The following SLC5A6 variants were observed in gnomAD, a reference collection of about 807,000 sequenced individuals.
The protein encoded by SLC5A6 is sodium-dependent multivitamin transporter.
In SLC5A6, 31 loss-of-function variants were observed where a neutral mutation model predicts 67.9. The observed-to-expected ratio is 0.46, with a 90% CI of 0.34 to 0.62. SLC5A6 has a LOEUF of 0.62. Among genes scored for constraint, SLC5A6 ranks in the 20% least tolerant of loss-of-function variants. SLC5A6 has a pLI of 0.01. For synonymous variants in SLC5A6, 343 were observed against 331.0 expected (o/e 1.04, Z -0.39); for missense variants, 673 against 812.8 (o/e 0.83, Z 2.09).
upstream of SLC5A6, chr2:27,212,400 C>A: frequency 6.4e-7 from 1 of 1,551,502 alleles, no homozygotes; most frequent in East Asian, 2.4e-5. Context: ...AGTCTTACGA[C>A]CCTGGTGCCC....
intron 12 of SLC5A6, among the ~76,000 whole-genome samples, 156 bp from the exon 13 acceptor site, chr2:27,202,230 G>A (rs951498852): frequency 1.3e-5 from 2 of 152,134 alleles, no homozygotes; most frequent in Non-Finnish European, 2.9e-5. Flanking sequence ...GTGGCCGAGC[G>A]GTGGCTCATG....
In SLC5A6 at chr2:27,201,668, G is replaced by T. The variant is rs1300016658; in HGVS notation, c.1542C>A (p.Ser514=). The T allele has an allele frequency of 1.9e-6, 3 of 1,613,466 alleles. No homozygotes were observed. In the Admixed American group the frequency reaches 5.0e-5, roughly 27 times the overall value. The stretch of plus-strand genomic sequence containing the variant: ...GAAGATAGCAAGCCCTGCCTTACTT[G>T]GAGAAGGTAGTCAAGGGCATCAGTG... ...VTTLMPLTTF[S]KPTGLQRFYS... is the part of the protein sequence containing the mutation. The change falls in exon 14 of 17, where the codon TCC becomes TCA. Residue 514 remains serine, a splice_region_variant and synonymous_variant. Coordinates refer to ENST00000310574, the MANE Select transcript of SLC5A6 (RefSeq NM_021095.4).
At chr2:27,201,510 C>A in intron 14 of SLC5A6, 57 bp from the exon 15 acceptor site, 1 of 1,390,568 alleles carries the variant, frequency 7.2e-7, no homozygotes, top group Non-Finnish European at 1.0e-6. Context: ...ATTCCTTGGG[C>A]ACCAATCTCT....
rs1408430853 is a variant in SLC5A6, at chr2:27,207,221, C to T, written c.393+37G>A. The T allele has an allele frequency of 5.0e-6, 8 of 1,602,962 alleles. No homozygotes were observed. The highest frequency in any genetic ancestry group is 1.7e-4 in the Middle Eastern group (1 of 5,982). On this transcript the variant is annotated intron_variant, in intron 3 of 16. Transcript: ENST00000310574. This position sits in a 1 kb window ranked among gnomAD's most constrained non-coding sequence, Gnocchi z 5.5. ...CCTGTCCCTCCTCTCCACCCCAACCCGTGTCCCACGCACTTCTCCCTTCTG... is the reference window on the plus strand; with the variant it reads ...CCTGTCCCTCCTCTCCACCCCAACCTGTGTCCCACGCACTTCTCCCTTCTG...
intron 6 of SLC5A6, among the ~76,000 whole-genome samples, 180 bp from the exon 7 acceptor site, chr2:27,205,684 G>A (rs1280233495): frequency 1.3e-5 from 2 of 152,112 alleles, no homozygotes; most frequent in Non-Finnish European, 2.9e-5. Context: ...ATGACGAAGG[G>A]GCTTTACTGA....
At chr2:27,200,709 A>G in intron 16 of SLC5A6, 130 bp from the exon 17 acceptor site, 1 of 888,004 alleles carries the variant, frequency 1.1e-6, no homozygotes, top group Non-Finnish European at 1.7e-6. Flanking sequence ...GAGCAGGGGG[A>G]AAAGAGGGAG....
chr2:27,204,770 C>T (rs540199384), intron 8 of SLC5A6, 21 bp downstream of exon 8: 2 of 1,614,000 alleles, frequency 1.2e-6, no homozygotes, highest in Admixed American at 1.7e-5. Flanking sequence ...TGCTCCACTC[C>T]CTTCCTGTCC....
In SLC5A6 at chr2:27,201,796, T is replaced by C. The variant is rs553930469; in HGVS notation, c.1414A>G (p.Ile472Val). 1.1e-5 allele frequency: 17 copies of C among 1,613,974 alleles called. No individual in the cohort carries two copies. The highest frequency in any genetic ancestry group is 2.7e-5 in the African/African-American group (2 of 74,884). Residue 472 changes from isoleucine (I) to valine (V), a missense_variant, in exon 14 of 17, where the codon ATC (isoleucine) becomes GTC (valine). Ile to Val is a conservative substitution (Grantham distance 29). Coordinates refer to ENST00000310574, the MANE Select transcript of SLC5A6 (RefSeq NM_021095.4). The part of the protein sequence containing the change: ...AGLVMAFWIG[I>V]GSIVTSMGSS... ...CCCATGCTGGTCACGATGCTCCCGA[T>C]GCCAATCCAGAAGGCCATGACGAGC...
chr2:27,206,152 C>T (rs1674047172), intron 5 of SLC5A6, 59 bp from the exon 6 acceptor site: 1 of 1,443,280 alleles, frequency 6.9e-7, no homozygotes, highest in African/African-American at 1.4e-5. Context: ...GGGAGAAGCC[C>T]TGGTAGGGCA....
chr2:27,201,862 T>G lies in SLC5A6; in HGVS notation c.1363-15A>C. 6.2e-7 allele frequency: 1 copy of G among 1,613,300 alleles called. No homozygotes were observed. The highest frequency in any genetic ancestry group is 1.7e-5 in the Admixed American group (1 of 60,004). ...ACAACAGCACCCTGCCGAGACACAG[T>G]GCAGGCCTGTCACAAGGCCAGTCCT... is the stretch of plus-strand genomic sequence containing the variant. On this transcript the variant is annotated splice_polypyrimidine_tract_variant and intron_variant, in intron 13 of 16. Transcript: ENST00000310574.
rs1163170087 is a variant in SLC5A6, at chr2:27,201,390, G to A, written c.1608C>T (p.Thr536=). 6.2e-7 allele frequency: 1 copy of A among 1,613,148 alleles called. No homozygotes were observed. Among genetic ancestry groups the A allele is most frequent in the Admixed American group, 1.7e-5 (1 of 60,002 alleles). ...CAATCAGGCCCACCACAATCACTGT[G>A]GTGGAGTTGTGAGCACTGTACCATA... ...SYLWYSAHNS[T]TVIVVGLIVS... The change falls in exon 15 of 17, where the codon ACC becomes ACT. Residue 536 remains threonine (T), a synonymous_variant. Transcript: ENST00000310574.
chr2:27,201,989 G>T lies in SLC5A6; in HGVS notation c.1361C>A (p.Pro454His). ...LGMFFPCANP[P>H]GAVVGLLAGL... ...TGTGGATCCAGATGCATCACTCACA[G>T]GAGGGTTAGCACATGGAAAGAACAT... The change falls in exon 13 of 17, where the codon CCT becomes CAT. Residue 454 changes from proline to histidine, a missense_variant and splice_region_variant. Coordinates refer to ENST00000310574, the MANE Select transcript of SLC5A6 (RefSeq NM_021095.4). 6.2e-7 allele frequency: 1 copy of T among 1,613,712 alleles called. No homozygotes were observed. Among genetic ancestry groups the T allele is most frequent in the South Asian group, 1.1e-5 (1 of 91,072 alleles).
intron 7 of SLC5A6, 96 bp downstream of exon 7, chr2:27,205,254 A>G: frequency 7.8e-7 from 1 of 1,275,160 alleles, no homozygotes; most frequent in Non-Finnish European, 1.1e-6. Flanking sequence ...CAGGCTTCCC[A>G]GTTTACCTTC....
chr2:27,212,133 G>A lies in SLC5A6; in HGVS notation c.-321C>T, dbSNP rs1175377018. On this transcript the variant is annotated 5_prime_UTR_variant, in exon 1 of 17. Transcript: ENST00000310574. ...CGGCTCCGGGAAGCCGCGCGGCGAC[G>A]GGGGAGGCCTTCACTAAAGGGGAAA... 6.6e-7 allele frequency: 1 copy of A among 1,506,782 alleles called. No homozygotes were observed. The highest frequency in any genetic ancestry group is 2.5e-5 in the Admixed American group (1 of 40,166). The allele number at this position is 1,506,782 out of a possible 1,614,324, so 93.3% of individuals were successfully genotyped here.
chr2:27,200,943 T>TC, intron 16 of SLC5A6, 55 bp downstream of exon 16: 3 of 1,151,784 alleles, frequency 2.6e-6, no homozygotes, highest in Non-Finnish European at 3.9e-6. Flanking sequence ...ACCTGAAGAG[T>TC]CAGTGGCATC....
At position 27,206,527 on chromosome 2, in the gene SLC5A6, T is replaced by C. The variant is rs377733923; in HGVS notation, c.467A>G (p.Tyr156Cys). ...TVTFIFQMVI[Y>C]MGVVLYAPSL... ...CGGAGCATAGAGCACAACTCCCATG[T>C]AGATCACCTGTTGCATGTGGAAAAA... The change falls in exon 5 of 17, where the codon TAC becomes TGC. Residue 156 changes from tyrosine (Y) to cysteine (C), a missense_variant. By Grantham distance (194) the Tyr-to-Cys change is radical. Coordinates refer to ENST00000310574, the MANE Select transcript of SLC5A6 (RefSeq NM_021095.4). The C allele has an allele frequency of 1.9e-6, 3 of 1,614,082 alleles. No homozygotes were observed. The South Asian group carries it at 3.3e-5, about 18-fold the overall frequency.
Position 27,205,488 on chromosome 2 carries a change from A to T in SLC5A6, c.596T>A (p.Val199Asp). 6.2e-7 allele frequency: 1 copy of T among 1,614,186 alleles called. No homozygotes were observed. The highest frequency in any genetic ancestry group is 8.5e-7 in the Non-Finnish European group (1 of 1,180,022). ...VYTALGGLKA[V>D]IWTDVFQTLV... ...TGTCTGGAACACATCTGTCCAGATG[A>T]CGGCCTTCAGCCCACCCTGCAAGGA... Residue 199 changes from valine (V) to aspartate (D), a missense_variant, in exon 7 of 17, where the codon GTC (valine) becomes GAC (aspartate). Coordinates refer to ENST00000310574, the MANE Select transcript of SLC5A6 (RefSeq NM_021095.4).
intron 12 of SLC5A6, among the ~76,000 whole-genome samples, chr2:27,202,453 G>A (rs1406876332): frequency 7.4e-6 from 1 of 135,092 alleles, no homozygotes; most frequent in African/African-American, 2.8e-5. Context: ...GCAGTCAACT[G>A]AGATCGCGCC....
In SLC5A6 at chr2:27,201,105, G is replaced by T. The variant is rs546600819; in HGVS notation, c.1657C>A (p.Arg553=). Residue 553 remains arginine, a synonymous_variant, in exon 16 of 17, where the codon CGA becomes AGA. Transcript: ENST00000310574. The part of the protein sequence containing the change: ...LIVSLLTGRM[R]GRSLNPATIY... Reference sequence around the variant, plus strand: ...GTTGCAGGGTTCAGGGACCGGCCTCGCATTCTCCCTGAATGGAAATGTGCT... The same window carrying T: ...GTTGCAGGGTTCAGGGACCGGCCTCTCATTCTCCCTGAATGGAAATGTGCT... The T allele has an allele frequency of 7.6e-5, 123 of 1,610,472 alleles. 1 individual carries two copies. The South Asian group carries it at 1.3e-3, about 17-fold the overall frequency.
Sources: allele counts gnomAD v4.1 joint callset (sites outside exome capture counted in the v4.1 genomes callset), GRCh38; gene constraint gnomAD v4.1.1; non-coding constraint Gnocchi (gnomAD v3.1); transcripts MANE v1.5; gene names NCBI Gene and HGNC (gene_info 2026-07-23, HGNC 2026-07-21).